The following RABGAP1L variants were observed in gnomAD, a reference collection of about 807,000 sequenced individuals.
RABGAP1L encodes the protein RAB GTPase activating protein 1 like.
A neutral mutation model predicts 137.7 loss-of-function variants in RABGAP1L; 63 were observed. The observed-to-expected ratio is 0.46, with a 90% CI of 0.37 to 0.56. The LOEUF is 0.56. RABGAP1L is among the 20% of genes least tolerant of loss of function. RABGAP1L has a pLI of 0.00. For missense variants in RABGAP1L, 1,095 were observed against 1,244.0 expected, an observed-to-expected ratio of 0.88 and a Z score of 1.80; for synonymous variants, 431 against 433.7, an observed-to-expected ratio of 0.99 and a Z score of 0.08.
At chr1:174,548,119 A>G in intron 13 of RABGAP1L, 1 of 1,525,696 alleles carries the variant, frequency 6.6e-7, no homozygotes, top group South Asian at 1.2e-5. Context: ...TGCAGTTTAG[A>G]AGCAACTTTA....
At position 174,940,266 on chromosome 1, in the gene RABGAP1L, C is replaced by T. The variant is rs1409129649; in HGVS notation, c.2341-17191C>T. On this transcript the variant is annotated intron_variant, in intron 19 of 25. Transcript: ENST00000681986. ...TCTCCTTTTGTTTGTTTGTTTGTTTCTTTTTTTTTTTTTTCTGAGACAGGA... is the reference window on the plus strand; with the variant it reads ...TCTCCTTTTGTTTGTTTGTTTGTTTTTTTTTTTTTTTTTTCTGAGACAGGA... 5.0e-5 allele frequency among the ~76,000 whole-genome samples: 7 copies of T among 140,792 alleles called. No homozygotes were observed. In the East Asian group the frequency reaches 8.1e-4, roughly 16 times the overall value. 92.4% of individuals were successfully genotyped at this position (140,792 alleles called of 152,430 possible).
chr1:174,300,058 A>T (rs1299194982), intron 10 of RABGAP1L, among the ~76,000 whole-genome samples: 1 of 152,236 alleles, frequency 6.6e-6, no homozygotes, highest in Non-Finnish European at 1.5e-5. Flanking sequence ...ATACTTAGAC[A>T]TTAGAATTTT....
chr1:174,585,170 A>G (rs1572403928), intron 13 of RABGAP1L, among the ~76,000 whole-genome samples: 1 of 152,206 alleles, frequency 6.6e-6, no homozygotes, highest in East Asian at 1.9e-4. Flanking sequence ...ACTTTTTAAA[A>G]TGTGGCTACA....
chr1:174,214,962 G>T (rs1057285624), intron 1 of RABGAP1L, among the ~76,000 whole-genome samples: 2 of 152,010 alleles, frequency 1.3e-5, no homozygotes, highest in African/African-American at 4.8e-5. Context: ...AAAAGCATGG[G>T]CAAAAAAAGC....
At chr1:174,291,382 T>C (rs937956195) in intron 10 of RABGAP1L, among the ~76,000 whole-genome samples, 27 of 152,066 alleles carry the variant, frequency 1.8e-4, no homozygotes, top group African/African-American at 5.6e-4. Context: ...TTAAAAATAA[T>C]TTTTATGTCT....
At chr1:174,519,766 C>A (rs762191716) in intron 13 of RABGAP1L, among the ~76,000 whole-genome samples, 1 of 152,106 alleles carries the variant, frequency 6.6e-6, no homozygotes, top group Non-Finnish European at 1.5e-5. Flanking sequence ...GCTAACTGTG[C>A]GTAGGTTCTT....
At chr1:174,543,719 G>A (rs919242186) in intron 13 of RABGAP1L, among the ~76,000 whole-genome samples, 1 of 152,268 alleles carries the variant, frequency 6.6e-6, no homozygotes, top group East Asian at 1.9e-4. Context: ...GCATGTTTTT[G>A]CAGTGGCTGG....
At chr1:174,803,057 A>T (rs1336099836) in intron 18 of RABGAP1L, among the ~76,000 whole-genome samples, 2 of 151,564 alleles carry the variant, frequency 1.3e-5, no homozygotes, top group South Asian at 2.1e-4. Flanking sequence ...AGATCCCATT[A>T]TTTTTTTTTC....
At chr1:174,423,617 G>A (rs1571735352) in intron 13 of RABGAP1L, among the ~76,000 whole-genome samples, 3 of 152,234 alleles carry the variant, frequency 2.0e-5, no homozygotes, top group African/African-American at 7.2e-5. Flanking sequence ...GCCTTGGGAT[G>A]AAAACACATT....
chr1:174,988,918 T>A, intron 25 of RABGAP1L, 80 bp downstream of exon 25: 1 of 1,277,636 alleles, frequency 7.8e-7, no homozygotes. Flanking sequence ...AGAATACACC[T>A]ATCTAGGTCA....
At chr1:174,534,802 A>AAAAAAAAAAAAAAAAAATAAT (rs1553324953) in intron 13 of RABGAP1L, among the ~76,000 whole-genome samples, 2 of 137,266 alleles carry the variant, frequency 1.5e-5, no homozygotes, top group South Asian at 2.2e-4. Context: ...AAAAAAAAAA[A>AAAAAAAAAAAAAAAAAATAAT]AATAATTAGA....
chr1:174,784,491 G>A (rs1687305027), intron 18 of RABGAP1L, among the ~76,000 whole-genome samples: 1 of 152,096 alleles, frequency 6.6e-6, no homozygotes, highest in Non-Finnish European at 1.5e-5. Context: ...GGAGGTGGGA[G>A]AGGTTTACCC....
chr1:174,428,232 C>T (rs527868516), intron 13 of RABGAP1L, among the ~76,000 whole-genome samples: 15 of 152,192 alleles, frequency 9.9e-5, no homozygotes, highest in African/African-American at 2.9e-4. Flanking sequence ...GCACTGAGTA[C>T]GTATGATTGA....
intron 11 of RABGAP1L, among the ~76,000 whole-genome samples, chr1:174,365,629 ATGTGAAGTCCC>A (rs1228686969): frequency 3.3e-5 from 5 of 152,154 alleles, no homozygotes; most frequent in African/African-American, 1.2e-4. Context: ...AGTGAATTCA[ATGTGAAGTCCC>A]CCAGTTGCTG....
At chr1:174,691,052 G>T (rs1044230859) in intron 15 of RABGAP1L, among the ~76,000 whole-genome samples, 1 of 151,790 alleles carries the variant, frequency 6.6e-6, no homozygotes, top group African/African-American at 2.4e-5. Context: ...GCCTGGTCTC[G>T]AACTCCTGAC....
At chr1:174,519,613 T>C (rs1440868012) in intron 13 of RABGAP1L, among the ~76,000 whole-genome samples, 1 of 152,144 alleles carries the variant, frequency 6.6e-6, no homozygotes, top group Non-Finnish European at 1.5e-5. Flanking sequence ...TTCACACTCA[T>C]TATTAACCAT....
intron 13 of RABGAP1L, among the ~76,000 whole-genome samples, chr1:174,469,450 A>G (rs1049050006): frequency 2.6e-5 from 4 of 152,216 alleles, no homozygotes; most frequent in African/African-American, 9.6e-5. Flanking sequence ...TGCTTATTAA[A>G]ATTACAGATT....
intron 19 of RABGAP1L, among the ~76,000 whole-genome samples, chr1:174,814,501 G>GGGCTGGGATT (rs1436019582): frequency 6.6e-6 from 1 of 152,054 alleles, no homozygotes; most frequent in Non-Finnish European, 1.5e-5. Context: ...ATCCAGTATT[G>GGGCTGGGATT]GGCTGGGATT....
Position 174,991,691 on chromosome 1 carries a change from T to G in RABGAP1L, c.*1690T>G, listed in dbSNP as rs922699389. 2 of 152,234 alleles carry G rather than the reference T, an allele frequency of 1.3e-5. No homozygotes were observed. Among genetic ancestry groups the G allele is most frequent in the African/African-American group, 4.8e-5 (2 of 41,468 alleles). The allele number at this position is 152,234 out of a possible 1,614,324, so 9.4% of individuals were successfully genotyped here. On this transcript the variant is annotated 3_prime_UTR_variant, in exon 26 of 26. Coordinates refer to ENST00000681986, the MANE Select transcript of RABGAP1L (RefSeq NM_001366446.1). ...ACATCTTTCATTACAAAATTTATTTTCTTAACAAAAAGGAACATAACCCAG... is the reference window on the plus strand; with the variant it reads ...ACATCTTTCATTACAAAATTTATTTGCTTAACAAAAAGGAACATAACCCAG...
Sources: allele counts gnomAD v4.1 joint callset (sites outside exome capture counted in the v4.1 genomes callset), GRCh38; gene constraint gnomAD v4.1.1; transcripts MANE v1.5; gene names NCBI Gene and HGNC (gene_info 2026-07-23, HGNC 2026-07-21).